Variants in ULK4 observed in about 807,000 individuals in gnomAD.
The protein encoded by ULK4 is unc-51 like kinase 4.
A neutral mutation model predicts 160.6 loss-of-function variants in ULK4; 133 were observed. That is an observed-to-expected ratio of 0.83 (90% CI 0.72 to 0.96). The LOEUF (loss-of-function observed/expected upper bound fraction) is 0.96. Among genes scored for constraint, ULK4 ranks in the 40% least tolerant of loss-of-function variants. The pLI is 0.00. For synonymous variants in ULK4, 534 were observed against 539.8 expected (o/e 0.99, Z 0.15); for missense variants, 1,580 against 1,499.5 (o/e 1.05, Z -0.89).
intron 31 of ULK4, among the ~76,000 whole-genome samples, chr3:41,612,371 G>A (rs1232616115): frequency 6.6e-6 from 1 of 151,930 alleles, no homozygotes; most frequent in African/African-American, 2.4e-5. Flanking sequence ...CCCAGAGTTG[G>A]TCACTCCCTT....
intron 32 of ULK4, among the ~76,000 whole-genome samples, chr3:41,468,233 GACA>G (rs895389429): frequency 3.3e-5 from 5 of 152,014 alleles, no homozygotes; most frequent in African/African-American, 7.2e-5. Context: ...AAAACTAAAA[GACA>G]ACAACAACAA....
At chr3:41,877,342 G>GTT (rs71075490) in intron 17 of ULK4, among the ~76,000 whole-genome samples, 136 of 150,424 alleles carry the variant, frequency 9.0e-4, no homozygotes, top group East Asian at 6.7e-3. Context: ...GGCCAAGAGT[G>GTT]TTTTTTTTTG....
rs1699124802 is a variant in ULK4 at position 41,919,831 on chromosome 3, T to C, written c.542-13A>G. 1 of 1,592,274 alleles carries C rather than the reference T, an allele frequency of 6.3e-7. No homozygotes were observed. Among genetic ancestry groups the C allele is most frequent in the East Asian group, 2.2e-5 (1 of 44,642 alleles). ...TATACAGGAGATCCTAAAAGCAAAG[T>C]ATGAAGAACAGCTCGGTTAGGCATT... On this transcript the variant is annotated splice_polypyrimidine_tract_variant and intron_variant, in intron 5 of 36. Transcript: ENST00000301831.
intron 19 of ULK4, among the ~76,000 whole-genome samples, chr3:41,815,632 A>G (rs2040940827): frequency 6.6e-6 from 1 of 152,160 alleles, no homozygotes; most frequent in Non-Finnish European, 1.5e-5. Context: ...TACGTCCTCA[A>G]TGCCCTCCTC....
chr3:41,303,242 C>G (rs749899201), intron 35 of ULK4, among the ~76,000 whole-genome samples: 1 of 152,138 alleles, frequency 6.6e-6, no homozygotes, highest in Non-Finnish European at 1.5e-5. Flanking sequence ...GAACTTCAAA[C>G]TCAGGAGCCT....
intron 22 of ULK4, among the ~76,000 whole-genome samples, chr3:41,735,266 G>C (rs1018485356): frequency 6.6e-6 from 1 of 152,144 alleles, no homozygotes; most frequent in Non-Finnish European, 1.5e-5. Context: ...TGACTGCCTG[G>C]AAATGGTATG....
At chr3:41,477,696 C>T (rs952036024) in intron 32 of ULK4, among the ~76,000 whole-genome samples, 13 of 152,196 alleles carry the variant, frequency 8.5e-5, no homozygotes, top group African/African-American at 3.1e-4. Context: ...AGTGGCAATG[C>T]CTGTCTTGGA....
intron 30 of ULK4, among the ~76,000 whole-genome samples, chr3:41,651,667 C>A (rs2034749214): frequency 6.6e-6 from 1 of 152,106 alleles, no homozygotes; most frequent in Non-Finnish European, 1.5e-5. Context: ...CCTCAAGAGA[C>A]AGAAAAGTAA....
intron 35 of ULK4, among the ~76,000 whole-genome samples, chr3:41,327,059 G>C (rs1256465500): frequency 6.6e-6 from 1 of 152,146 alleles, no homozygotes; most frequent in African/African-American, 2.4e-5. Context: ...CTGTTTCCAA[G>C]CTTTTCATAA....
intron 2 of ULK4, among the ~76,000 whole-genome samples, chr3:41,948,801 C>T (rs542803228): frequency 6.6e-6 from 1 of 150,478 alleles, no homozygotes; most frequent in South Asian, 2.1e-4. Flanking sequence ...ATGAAAAACC[C>T]AAAGCAAACA....
chr3:41,710,152 ATTAT>A (rs1463353164), intron 25 of ULK4, among the ~76,000 whole-genome samples: 1 of 152,080 alleles, frequency 6.6e-6, no homozygotes, highest in African/African-American at 2.4e-5. Context: ...ATTATTATTA[ATTAT>A]TTATTATGAA....
chr3:41,752,258 A>T (rs1340938956), intron 22 of ULK4, among the ~76,000 whole-genome samples: 1 of 152,148 alleles, frequency 6.6e-6, no homozygotes, highest in Non-Finnish European at 1.5e-5. Context: ...ACTGTTGAGA[A>T]GCTATATTAG....
intron 32 of ULK4, among the ~76,000 whole-genome samples, chr3:41,528,515 T>C (rs2086194069): frequency 6.6e-6 from 1 of 152,236 alleles, no homozygotes; most frequent in Non-Finnish European, 1.5e-5. Flanking sequence ...AGTACCTAGA[T>C]GAGTCAAGTA....
intron 27 of ULK4, among the ~76,000 whole-genome samples, chr3:41,684,896 G>A (rs116753743): frequency 3.3e-5 from 5 of 152,268 alleles, no homozygotes; most frequent in South Asian, 2.1e-4. Context: ...TAAGAATGTC[G>A]TGGCTAACCT....
intron 31 of ULK4, among the ~76,000 whole-genome samples, chr3:41,602,006 C>T (rs1410195815): frequency 6.6e-6 from 1 of 151,958 alleles, no homozygotes. Context: ...CCAGGCTGGG[C>T]AACATAGTGA....
chr3:41,807,569 A>C (rs1432759028), intron 19 of ULK4, among the ~76,000 whole-genome samples: 1 of 152,206 alleles, frequency 6.6e-6, no homozygotes, highest in Non-Finnish European at 1.5e-5. Context: ...AATGAAGATT[A>C]ACAAAACACA....
chr3:41,420,840 G>A (rs894603152), intron 34 of ULK4, among the ~76,000 whole-genome samples: 2 of 149,694 alleles, frequency 1.3e-5, no homozygotes, highest in Admixed American at 6.6e-5. Flanking sequence ...CCGGCCAGAC[G>A]CGGTGGCTTG....
At chr3:41,265,997 C>A (rs934745253) in intron 35 of ULK4, among the ~76,000 whole-genome samples, 1 of 152,142 alleles carries the variant, frequency 6.6e-6, no homozygotes, top group South Asian at 2.1e-4. Flanking sequence ...CACACAGGAC[C>A]CAGCAGAATG....
chr3:41,596,095 C>A (rs540865458), intron 31 of ULK4, among the ~76,000 whole-genome samples: 3 of 152,320 alleles, frequency 2.0e-5, no homozygotes, highest in Admixed American at 2.0e-4. Context: ...CTAGTCATTA[C>A]ATCGGGGGGA....
Sources: allele counts gnomAD v4.1 joint callset (sites outside exome capture counted in the v4.1 genomes callset), GRCh38; gene constraint gnomAD v4.1.1; transcripts MANE v1.5; gene names NCBI Gene and HGNC (gene_info 2026-07-23, HGNC 2026-07-21).